The following GUCY2F variants were observed in gnomAD, a reference collection of about 807,000 sequenced individuals.
GUCY2F encodes the protein retinal guanylyl cyclase 2.
A neutral mutation model predicts 73.1 loss-of-function variants in GUCY2F; 61 were observed. The observed-to-expected ratio is 0.83, with a 90% confidence interval of 0.68 to 1.03. The LOEUF (loss-of-function observed/expected upper bound fraction) is 1.03, where lower values mean the gene tolerates loss of function less well. Among genes scored for constraint, GUCY2F ranks in the 50% least tolerant of loss-of-function variants. The pLI, the probability that GUCY2F is intolerant of heterozygous loss-of-function variation, is 0.00. For missense variants in GUCY2F, 912 were observed against 854.3 expected (o/e 1.07, Z -0.84); for synonymous variants, 331 against 307.8 (o/e 1.08, Z -0.79).
chrX:109,434,623 T>G (rs1310695414), intron 7 of GUCY2F, among the ~76,000 whole-genome samples: 1 of 110,144 alleles, frequency 9.1e-6, no homozygotes, highest in Non-Finnish European at 1.9e-5. Context: ...AGAAGCTCTT[T>G]AGTTTAATTA....
chrX:109,408,131 C>T (rs1170358445), intron 9 of GUCY2F, among the ~76,000 whole-genome samples: 1 of 112,546 alleles, frequency 8.9e-6, no homozygotes, highest in Non-Finnish European at 1.9e-5. Context: ...AGGGGCAGAG[C>T]TGCCCAAGAC....
chrX:109,418,884 A>C (rs1931304284), intron 8 of GUCY2F, among the ~76,000 whole-genome samples: 1 of 110,949 alleles, frequency 9.0e-6, no homozygotes, highest in South Asian at 3.7e-4. Context: ...AAAAGAAAAA[A>C]TTATTAATAT....
At chrX:109,376,762 A>T (rs1251594829) in intron 17 of GUCY2F, among the ~76,000 whole-genome samples, 1 of 111,642 alleles carries the variant, frequency 9.0e-6, no homozygotes, top group East Asian at 2.9e-4. Flanking sequence ...AGAGAAAAGG[A>T]GTGTAAACTC....
At chrX:109,384,940 CTT>C (rs1297360068) in intron 16 of GUCY2F, among the ~76,000 whole-genome samples, 1 of 111,878 alleles carries the variant, frequency 8.9e-6, no homozygotes, top group East Asian at 2.8e-4. Flanking sequence ...TTTGGTGTCA[CTT>C]AGCTACAGCT....
At chrX:109,442,747 T>C (rs1931904242) in intron 6 of GUCY2F, among the ~76,000 whole-genome samples, 1 of 111,362 alleles carries the variant, frequency 9.0e-6, no homozygotes, top group Non-Finnish European at 1.9e-5. Context: ...TCAGACAAGA[T>C]GTAAAACTTG....
intron 9 of GUCY2F, among the ~76,000 whole-genome samples, chrX:109,408,357 T>C (rs1351497135): frequency 8.9e-6 from 1 of 112,619 alleles, no homozygotes; most frequent in African/African-American, 3.2e-5. Flanking sequence ...TAGCTTGCTT[T>C]TGATTTTGCA....
intron 2 of GUCY2F, among the ~76,000 whole-genome samples, chrX:109,467,561 G>A (rs772620213): frequency 9.8e-5 from 11 of 112,765 alleles, no homozygotes; most frequent in Non-Finnish European, 1.7e-4. Flanking sequence ...TACATTACAC[G>A]TAGTAGGTGC....
rs1400158639 is a variant in GUCY2F, at chrX:109,404,309, G to A, written c.2125+19C>T. ...GGAGTTACCTCGTGTGCATCAGAAG[G>A]GTACAATTCATTGCTTACCTTCCAT... On this transcript the variant is annotated intron_variant, in intron 10 of 19. Transcript: ENST00000218006. 8.8e-7 allele frequency: 1 copy of A among 1,135,967 alleles called. No homozygotes were observed. The highest frequency in any genetic ancestry group is 2.3e-5 in the Admixed American group (1 of 44,069). The allele number at this position is 1,135,967 out of a possible 1,213,427, so 93.6% of individuals were successfully genotyped here.
intron 8 of GUCY2F, among the ~76,000 whole-genome samples, chrX:109,428,870 GC>G (rs1313432936): frequency 8.9e-6 from 1 of 111,899 alleles, no homozygotes; most frequent in East Asian, 2.8e-4. Flanking sequence ...TATTATTGAA[GC>G]TTTTTGTAGG....
At chrX:109,420,476 A>G (rs1329212790) in intron 8 of GUCY2F, among the ~76,000 whole-genome samples, 2 of 110,320 alleles carry the variant, frequency 1.8e-5, no homozygotes, top group African/African-American at 3.3e-5. Context: ...GATAAATTGG[A>G]CAATTGGACT....
rs926518532 is a variant in GUCY2F at position 109,475,248 on chromosome X, C to A, written c.689G>T (p.Arg230Leu). The A allele has an allele frequency of 3.3e-6, 4 of 1,207,586 alleles. No individual in the cohort carries two copies. Among genetic ancestry groups the A allele is most frequent in the Non-Finnish European group, 1.1e-6 (1 of 893,539 alleles). The change falls in exon 2 of 20, where the codon CGG becomes CTG. Residue 230 changes from arginine (R) to leucine (L), a missense_variant. Transcript: ENST00000218006. ...CTGGTGAATCCTCTGGAGGGCTTTCCGCATGCTTTGGCTGTCTTGTCCTGT... is the reference window on the plus strand; with the variant it reads ...CTGGTGAATCCTCTGGAGGGCTTTCAGCATGCTTTGGCTGTCTTGTCCTGT... Reference protein sequence around the residue: ...LTTGQDSQSMRKALQRIHQAD... With the variant: ...LTTGQDSQSMLKALQRIHQAD...
intron 9 of GUCY2F, among the ~76,000 whole-genome samples, chrX:109,407,622 G>T (rs1034040176): frequency 8.9e-6 from 1 of 112,852 alleles, no homozygotes; most frequent in Non-Finnish European, 1.9e-5. Flanking sequence ...AGGAAAACGT[G>T]GTTTCATGGG....
chrX:109,373,189 T>A (rs1448318783), intron 19 of GUCY2F, among the ~76,000 whole-genome samples, 190 bp from the exon 20 acceptor site: 1 of 112,481 alleles, frequency 8.9e-6, no homozygotes. Context: ...AAATTAGACA[T>A]TGCCATTTAC....
intron 8 of GUCY2F, among the ~76,000 whole-genome samples, chrX:109,422,864 C>A (rs1931400655): frequency 8.9e-6 from 1 of 111,795 alleles, no homozygotes; most frequent in Admixed American, 9.5e-5. Flanking sequence ...GCAATCAACC[C>A]AAATGTCCAT....
intron 2 of GUCY2F, among the ~76,000 whole-genome samples, chrX:109,470,587 G>A (rs1486157021): frequency 9.0e-6 from 1 of 111,584 alleles, no homozygotes; most frequent in Admixed American, 9.6e-5. Context: ...TGCTTCAGGA[G>A]GTAGTATAGT....
intron 9 of GUCY2F, 120 bp from the exon 10 acceptor site, chrX:109,404,604 C>G (rs1930932236): frequency 2.0e-6 from 1 of 498,454 alleles, no homozygotes. Context: ...GCTTTTTTCT[C>G]TTCTATGCAG....
intron 17 of GUCY2F, among the ~76,000 whole-genome samples, chrX:109,380,800 A>C (rs779363677): frequency 5.4e-5 from 6 of 112,082 alleles, no homozygotes; most frequent in Non-Finnish European, 1.1e-4. Context: ...TTCGTTTTTC[A>C]GTTTCAAAAG....
At chrX:109,459,341 C>A (rs1274618371) in intron 3 of GUCY2F, among the ~76,000 whole-genome samples, 2 of 111,321 alleles carry the variant, frequency 1.8e-5, no homozygotes, top group Non-Finnish European at 3.8e-5. Flanking sequence ...CCTTAAGAAT[C>A]CTGGAAAGAG....
chrX:109,466,281 G>A (rs925166950), intron 2 of GUCY2F, among the ~76,000 whole-genome samples: 1 of 111,485 alleles, frequency 9.0e-6, no homozygotes, highest in African/African-American at 3.3e-5. Context: ...TCCTTTGAGA[G>A]TCATGTTGGT....
Sources: allele counts gnomAD v4.1 joint callset (sites outside exome capture counted in the v4.1 genomes callset), GRCh38; gene constraint gnomAD v4.1.1; transcripts MANE v1.5; gene names NCBI Gene and HGNC (gene_info 2026-07-23, HGNC 2026-07-21).